Variants in GLIS3 observed in about 807,000 individuals in gnomAD.
GLIS3 encodes the protein GLIS family zinc finger 3, also known as zinc finger protein GLIS3.
Under a neutral mutation model 78.6 loss-of-function variants are expected in GLIS3, and 53 were observed. That is an observed-to-expected ratio of 0.67 (90% CI 0.54 to 0.85). GLIS3 has a LOEUF of 0.85. Ranked by LOEUF, GLIS3 falls within the 40% of genes least tolerant of loss-of-function variation. The probability of loss-of-function intolerance (pLI) is 0.00; values close to 1 mark genes in which losing one functional copy is unlikely to be tolerated. For missense variants in GLIS3, 1,703 were observed against 1,231.1 expected, an observed-to-expected ratio of 1.38 and a Z score of -5.74; for synonymous variants, 684 against 509.9, an observed-to-expected ratio of 1.34 and a Z score of -4.60.
At chr9:4,042,881 A>C (rs1824937462) in intron 4 of GLIS3, among the ~76,000 whole-genome samples, 1 of 152,080 alleles carries the variant, frequency 6.6e-6, no homozygotes. Flanking sequence ...AAAACTTGAA[A>C]GTACACATTA....
Position 4,125,829 on chromosome 9 carries a change from T to C in GLIS3, c.501A>G (p.Pro167=). Residue 167 remains proline (P), a synonymous_variant, in exon 3 of 11, where the codon CCA becomes CCG. Transcript: ENST00000381971. ...MVQRLGLISP[P]ASQVSTACNQ... ...TGCATGCTGTAGAGACCTGGCTTGC[T>C]GGAGGTGAAATGAGTCCCAGTCGCT... is the stretch of plus-strand genomic sequence containing the variant. 6.2e-7 allele frequency: 1 copy of C among 1,614,088 alleles called. No individual in the cohort carries two copies. Among genetic ancestry groups the C allele is most frequent in the East Asian group, 2.2e-5 (1 of 44,876 alleles).
chr9:3,976,314 A>G (rs1818786481), intron 4 of GLIS3, among the ~76,000 whole-genome samples: 1 of 152,138 alleles, frequency 6.6e-6, no homozygotes, highest in Admixed American at 6.5e-5. Context: ...TCCAAACTTT[A>G]TATTTCCACA....
rs1817911814 is a variant in GLIS3 at position 3,829,381 on chromosome 9, A to G, written c.2585T>C (p.Val862Ala). 7.4e-6 allele frequency: 12 copies of G among 1,614,034 alleles called. No homozygotes were observed. The highest frequency in any genetic ancestry group is 1.0e-5 in the Non-Finnish European group (12 of 1,179,922). The change falls in exon 10 of 11, where the codon GTC becomes GCC. Residue 862 changes from valine to alanine, a missense_variant. Physicochemically the swap from Val to Ala is moderately conservative, Grantham distance 64 (BLOSUM62 0). Coordinates refer to ENST00000381971, the MANE Select transcript of GLIS3 (RefSeq NM_001042413.2). ...SVVPSFEDCL[V>A]PTSMGQASFD... is the part of the protein sequence containing the mutation. ...ACTGGCCTGGCCCATGGATGTAGGGACTAGGCAGTCCTCAAACGAAGGCAC... is the reference window on the plus strand; with the variant it reads ...ACTGGCCTGGCCCATGGATGTAGGGGCTAGGCAGTCCTCAAACGAAGGCAC...
At chr9:4,003,980 C>T (rs892945998) in intron 4 of GLIS3, among the ~76,000 whole-genome samples, 9 of 151,992 alleles carry the variant, frequency 5.9e-5, no homozygotes, top group African/African-American at 1.9e-4. Flanking sequence ...ATTATGATGC[C>T]CCAGTGCACC....
chr9:4,185,855 G>C (rs935013669), intron 2 of GLIS3, among the ~76,000 whole-genome samples: 1 of 152,170 alleles, frequency 6.6e-6, no homozygotes, highest in Non-Finnish European at 1.5e-5. Flanking sequence ...CTGGAAGCTG[G>C]AGGGCAAGGC....
chr9:4,077,581 T>C (rs867257263), intron 4 of GLIS3, among the ~76,000 whole-genome samples: 2 of 152,244 alleles, frequency 1.3e-5, no homozygotes, highest in Non-Finnish European at 1.5e-5. Context: ...CGTTAAGCTA[T>C]TGCATCTCAG....
intron 2 of GLIS3, among the ~76,000 whole-genome samples, chr9:4,284,929 C>G (rs1308750821): frequency 6.7e-6 from 1 of 150,274 alleles, no homozygotes; most frequent in Non-Finnish European, 1.5e-5. Context: ...AAAAAATTTT[C>G]TAATTTAAAA....
intron 4 of GLIS3, among the ~76,000 whole-genome samples, chr9:3,962,225 A>C (rs1346864037): frequency 6.6e-6 from 1 of 152,036 alleles, no homozygotes; most frequent in Admixed American, 6.6e-5. Flanking sequence ...GTTTCAAAAA[A>C]AAAGGAGAAG....
At chr9:4,000,499 A>C (rs1821054187) in intron 4 of GLIS3, among the ~76,000 whole-genome samples, 1 of 152,184 alleles carries the variant, frequency 6.6e-6, no homozygotes, top group Admixed American at 6.5e-5. Context: ...TTCTTACTTA[A>C]AAAATATATG....
the GLIS3 span, among the ~76,000 whole-genome samples, chr9:4,437,887 A>C: frequency 6.6e-6 from 1 of 152,176 alleles, no homozygotes; most frequent in Non-Finnish European, 1.5e-5. Context: ...ACTCTATTGA[A>C]GGATACAGCA....
intron 2 of GLIS3, among the ~76,000 whole-genome samples, chr9:4,279,364 T>C (rs9886815): frequency 0.39 from 24,345 of 61,788 alleles, 3,139 homozygotes; most frequent in Middle Eastern, 0.46. Flanking sequence ...CACACACACA[T>C]AATACATATT....
At chr9:4,174,012 C>A (rs886921841) in intron 2 of GLIS3, among the ~76,000 whole-genome samples, 1 of 152,036 alleles carries the variant, frequency 6.6e-6, no homozygotes, top group South Asian at 2.1e-4. Context: ...TTAATTTCCA[C>A]ATTTCTATCT....
the GLIS3 span, among the ~76,000 whole-genome samples, chr9:4,477,657 T>G: frequency 6.6e-6 from 1 of 151,972 alleles, no homozygotes. Context: ...CAAGCGATCC[T>G]CCCGCCTGGG....
intron 7 of GLIS3, among the ~76,000 whole-genome samples, chr9:3,880,260 T>A (rs10973992): frequency 6.6e-6 from 1 of 152,174 alleles, no homozygotes; most frequent in Admixed American, 6.5e-5. Context: ...TTGCCCGTTA[T>A]GACACAGAGA....
At chr9:4,232,771 T>C (rs1047053722) in intron 2 of GLIS3, among the ~76,000 whole-genome samples, 1 of 152,194 alleles carries the variant, frequency 6.6e-6, no homozygotes, top group African/African-American at 2.4e-5. Context: ...TCTGTGTCAT[T>C]CCTATTCTTT....
At chr9:3,920,896 A>G (rs557300094) in intron 6 of GLIS3, among the ~76,000 whole-genome samples, 1 of 152,282 alleles carries the variant, frequency 6.6e-6, no homozygotes, top group South Asian at 2.1e-4. Flanking sequence ...GTGCCTTGCC[A>G]GCTCTCTACC....
At chr9:4,006,172 C>T (rs1336113153) in intron 4 of GLIS3, among the ~76,000 whole-genome samples, 1 of 152,058 alleles carries the variant, frequency 6.6e-6, no homozygotes, top group Non-Finnish European at 1.5e-5. Context: ...CTGCCTGGAT[C>T]TCTAATGTTA....
chr9:3,989,703 G>A (rs1019186533), intron 4 of GLIS3, among the ~76,000 whole-genome samples: 3 of 152,140 alleles, frequency 2.0e-5, no homozygotes, highest in African/African-American at 7.2e-5. Context: ...GGAAAGATGA[G>A]TGGTTGCCAG....
rs552631786 is a variant in GLIS3, at chr9:4,310,218, G to A, written n.392+183C>T. On this transcript the variant is annotated intron_variant and non_coding_transcript_variant, in intron 3 of 4. Coordinates refer to the GLIS3 transcript ENST00000471664. ...TTTCACATCTAGCTATGGGCAAGGG[G>A]TAGATGGGCCTTTTTCTTACTGACA... Among the ~76,000 whole-genome samples, 11 of 152,306 alleles carry A rather than the reference G, an allele frequency of 7.2e-5. No individual in the cohort carries two copies. The East Asian group carries it at 2.1e-3, about 29-fold the overall frequency.
Sources: allele counts gnomAD v4.1 joint callset (sites outside exome capture counted in the v4.1 genomes callset), GRCh38; gene constraint gnomAD v4.1.1; transcripts MANE v1.5; gene names NCBI Gene and HGNC (gene_info 2026-07-23, HGNC 2026-07-21).